Variants in LRMDA observed in about 807,000 individuals in gnomAD.
LRMDA encodes the protein leucine-rich melanocyte differentiation-associated protein.
In LRMDA, 18 loss-of-function variants were observed where a neutral mutation model predicts 29.8. The observed-to-expected ratio is 0.60, with a 90% CI of 0.42 to 0.90. The LOEUF is 0.90. Ranked by LOEUF, LRMDA falls within the 40% of genes least tolerant of loss-of-function variation. LRMDA has a pLI of 0.00. For missense variants in LRMDA, 273 were observed against 273.9 expected (o/e 1.00, Z 0.02); for synonymous variants, 125 against 109.4 (o/e 1.14, Z -0.89).
At chr10:75,916,807 A>C (rs887032687) in intron 2 of LRMDA, among the ~76,000 whole-genome samples, 4 of 152,160 alleles carry the variant, frequency 2.6e-5, no homozygotes, top group Non-Finnish European at 5.9e-5. Context: ...ATTACAATAC[A>C]TTATTGGGTA....
chr10:76,299,603 C>CTTTT (rs34214231), intron 5 of LRMDA, among the ~76,000 whole-genome samples: 2 of 99,504 alleles, frequency 2.0e-5, no homozygotes, highest in African/African-American at 9.4e-5. Context: ...CCCTTCCTTT[C>CTTTT]TTTTTTTTTT....
rs187739221 is a variant in LRMDA, at chr10:76,460,514, C to A, written c.602-96695C>A. On this transcript the variant is annotated intron_variant, in intron 6 of 6. Coordinates refer to ENST00000611255, the MANE Select transcript of LRMDA (RefSeq NM_001305581.2). ...CATTCTTTAATGCATGTGGTGGAGA[C>A]AGATGATCACATATCGTGAATGCCT... Among the ~76,000 whole-genome samples, 12 of 152,336 alleles carry A rather than the reference C, an allele frequency of 7.9e-5. No homozygotes were observed. In the East Asian group the frequency reaches 2.3e-3, roughly 29 times the overall value.
rs116271186 is a variant in LRMDA at position 75,506,824 on chromosome 10, C to T, written c.131+68330C>T. The stretch of plus-strand genomic sequence containing the variant: ...AGAGATTCTTTCAGGTTTCCTGGCA[C>T]GAGGGGGTTGTTGTGGGAGGTTCTC... On this transcript the variant is annotated intron_variant, in intron 2 of 6. Transcript: ENST00000611255. Among the ~76,000 whole-genome samples the T allele has an allele frequency of 2.7e-3, 411 of 152,264 alleles. 4 individuals carry two copies. The highest frequency in any genetic ancestry group is 8.1e-3 in the African/African-American group (335 of 41,542).
At position 76,160,629 on chromosome 10, in the gene LRMDA, A is replaced by AT. The variant is rs529795410; in HGVS notation, c.516+101853dup. ...TTATACTGTAGTCTCTATACTTACA[A>AT]TTTTTTTGAAATACTCCCGCCAAAT... On this transcript the variant is annotated intron_variant, in intron 5 of 6. Coordinates refer to ENST00000611255, the MANE Select transcript of LRMDA (RefSeq NM_001305581.2). Among the ~76,000 whole-genome samples, 324 of 152,188 alleles carry AT rather than the reference A, an allele frequency of 2.1e-3. 3 individuals are homozygous for AT. The highest frequency in any genetic ancestry group is 7.2e-3 in the African/African-American group (300 of 41,546).
intron 6 of LRMDA, among the ~76,000 whole-genome samples, chr10:76,502,294 G>C (rs2132343462): frequency 6.6e-6 from 1 of 152,036 alleles, no homozygotes; most frequent in Admixed American, 6.6e-5. Context: ...CTGGTAGTGT[G>C]GTGCCTCCAG....
chr10:76,443,346 T>C (rs759743917), intron 6 of LRMDA, among the ~76,000 whole-genome samples: 6 of 152,240 alleles, frequency 3.9e-5, no homozygotes, highest in South Asian at 2.1e-4. Context: ...GATCATCCAC[T>C]ACCGGCTCTT....
chr10:75,563,148 C>G (rs915207972), intron 2 of LRMDA, among the ~76,000 whole-genome samples: 71 of 152,082 alleles, frequency 4.7e-4, no homozygotes, highest in Non-Finnish European at 8.4e-4. Context: ...TCCATTCTCC[C>G]CGTCACTTTC....
intron 5 of LRMDA, among the ~76,000 whole-genome samples, chr10:76,179,172 A>G (rs76289995): frequency 6.6e-6 from 1 of 152,188 alleles, no homozygotes; most frequent in East Asian, 1.9e-4. Context: ...AATGGAGTTG[A>G]TGACTGATTA....
chr10:75,895,185 G>A (rs1368676333), intron 2 of LRMDA, among the ~76,000 whole-genome samples: 1 of 152,196 alleles, frequency 6.6e-6, no homozygotes, highest in Non-Finnish European at 1.5e-5. Flanking sequence ...TTCATTGGAT[G>A]ATGGGCAGCT....
intron 6 of LRMDA, among the ~76,000 whole-genome samples, chr10:76,487,482 TG>T (rs1842793533): frequency 6.6e-6 from 1 of 151,868 alleles, no homozygotes; most frequent in Non-Finnish European, 1.5e-5. Flanking sequence ...GTATTTTGGA[TG>T]CATGTGAGAA....
In LRMDA at chr10:76,383,959, AT is replaced by A. The variant is rs948612706; in HGVS notation, c.601+59483del. 2.0e-4 allele frequency among the ~76,000 whole-genome samples: 30 copies of A among 147,612 alleles called. 1 individual carries two copies. Among genetic ancestry groups the A allele is most frequent in the Non-Finnish European group, 3.0e-4 (20 of 66,642 alleles). On this transcript the variant is annotated intron_variant, in intron 6 of 6. Coordinates refer to ENST00000611255, the MANE Select transcript of LRMDA (RefSeq NM_001305581.2). ...CTTGTGACATTTACTGATACCTGCC[AT>A]TTTTTTTTCTCTCTCTCTTCTCTTT...
At chr10:76,090,369 G>T (rs1849211058) in intron 5 of LRMDA, among the ~76,000 whole-genome samples, 2 of 152,184 alleles carry the variant, frequency 1.3e-5, no homozygotes, top group South Asian at 4.1e-4. Context: ...GGTTGCTTAT[G>T]GGCAGCAGTG....
intron 6 of LRMDA, among the ~76,000 whole-genome samples, chr10:76,516,911 C>A (rs2132356969): frequency 6.6e-6 from 1 of 152,150 alleles, no homozygotes; most frequent in East Asian, 1.9e-4. Flanking sequence ...AACAAGTAAC[C>A]AGTTTGAAAA....
At chr10:76,459,111 G>A (rs1162946542) in intron 6 of LRMDA, among the ~76,000 whole-genome samples, 3 of 152,120 alleles carry the variant, frequency 2.0e-5, no homozygotes, top group Non-Finnish European at 4.4e-5. Context: ...CTCAAAGCTT[G>A]TCTATGCCTG....
intron 5 of LRMDA, among the ~76,000 whole-genome samples, chr10:76,134,462 C>G (rs1426956547): frequency 1.3e-5 from 2 of 152,148 alleles, no homozygotes; most frequent in East Asian, 3.8e-4. Context: ...AAAATATCAC[C>G]TCGCATATGG....
intron 2 of LRMDA, among the ~76,000 whole-genome samples, chr10:75,528,510 C>A (rs1171292972): frequency 6.6e-6 from 1 of 152,160 alleles, no homozygotes. Context: ...AAGCCTTTAT[C>A]CCTGAAGCAG....
chr10:76,307,321 G>A (rs759609588), intron 5 of LRMDA, among the ~76,000 whole-genome samples: 5 of 152,196 alleles, frequency 3.3e-5, no homozygotes, highest in Admixed American at 6.5e-5. Context: ...TGATGTTGAT[G>A]TCAGGATTGA....
rs185487253 is a variant in LRMDA, at chr10:76,523,155, C to G, written c.602-34054C>G. Among the ~76,000 whole-genome samples the G allele has an allele frequency of 3.3e-5, 5 of 151,726 alleles. No homozygotes were observed. In the East Asian group the frequency reaches 9.7e-4, roughly 30 times the overall value. The stretch of plus-strand genomic sequence containing the variant: ...ATTGCAGTTATTAACTACAGTGAGG[C>G]CTGGGCACTTAGCTCTCCACTTTAA... On this transcript the variant is annotated intron_variant, in intron 6 of 6. Coordinates refer to ENST00000611255, the MANE Select transcript of LRMDA (RefSeq NM_001305581.2).
chr10:76,138,736 G>A (rs1850143585), intron 5 of LRMDA, among the ~76,000 whole-genome samples: 1 of 152,108 alleles, frequency 6.6e-6, no homozygotes, highest in Non-Finnish European at 1.5e-5. Flanking sequence ...TTATTGTAGT[G>A]TGTTTTCTCC....
Sources: allele counts gnomAD v4.1 joint callset (sites outside exome capture counted in the v4.1 genomes callset), GRCh38; gene constraint gnomAD v4.1.1; transcripts MANE v1.5; gene names NCBI Gene and HGNC (gene_info 2026-07-23, HGNC 2026-07-21).